Variants in NRXN2 observed in about 807,000 individuals in gnomAD.
The protein encoded by NRXN2 is neurexin-2-beta.
In NRXN2, 29 loss-of-function variants were observed where a neutral mutation model predicts 128.8. That is an observed-to-expected ratio of 0.23 (90% confidence interval 0.17 to 0.31). NRXN2 has a LOEUF of 0.31. Among genes scored for constraint, NRXN2 ranks in the 10% least tolerant of loss-of-function variants. The pLI, the probability that NRXN2 is intolerant of heterozygous loss-of-function variation, is 1.00. For synonymous variants in NRXN2, 1,098 were observed against 1,075.2 expected (o/e 1.02, Z -0.41); for missense variants, 1,881 against 2,452.6 (o/e 0.77, Z 4.92).
At position 64,607,471 on chromosome 11, in the gene NRXN2, G is replaced by T. The variant is rs759656770; in HGVS notation, c.4864C>A (p.Pro1622Thr). 1 of 1,608,142 alleles carries T rather than the reference G, an allele frequency of 6.2e-7. No individual in the cohort carries two copies. Among genetic ancestry groups the T allele is most frequent in the South Asian group, 1.1e-5 (1 of 90,952 alleles). The part of the protein sequence containing the change: ...ANPTGPGERG[P>T]PGAVEVIRES... ...CGGATCACCTCCACTGCGCCCGGCG[G>T]GCCCCGCTCCCCAGGCCCTGTGGGG... is the stretch of plus-strand genomic sequence containing the variant. Residue 1622 changes from proline (P) to threonine (T), a missense_variant, in exon 23 of 23, where the codon CCG (proline) becomes ACG (threonine). This residue lies in a region of NRXN2 where 310 missense variants were observed against 318.2 expected (regional missense o/e 0.97). Coordinates refer to ENST00000265459, the MANE Select transcript of NRXN2 (RefSeq NM_015080.4).
intron 2 of NRXN2, among the ~76,000 whole-genome samples, chr11:64,699,487 A>G (rs1428940197): frequency 8.6e-6 from 1 of 116,732 alleles, no homozygotes; most frequent in Non-Finnish European, 1.6e-5. Flanking sequence ...CTGGAGTGAA[A>G]TGGTGCGATC....
rs909943521 is a variant in NRXN2, at chr11:64,632,498, A to G, written c.3586-1925T>C. On this transcript the variant is annotated intron_variant, in intron 18 of 22. Coordinates refer to ENST00000265459, the MANE Select transcript of NRXN2 (RefSeq NM_015080.4). This position sits in a 1 kb window ranked among gnomAD's most constrained non-coding sequence, Gnocchi z 4.2. ...ATCCTCCTCGGTACTATTGTTAGTA[A>G]TAATACCACCCAGAATAGTATCAGC... Among the ~76,000 whole-genome samples, 1 of 152,194 alleles carries G rather than the reference A, an allele frequency of 6.6e-6. No individual in the cohort carries two copies. Among genetic ancestry groups the G allele is most frequent in the Non-Finnish European group, 1.5e-5 (1 of 68,026 alleles).
chr11:64,706,331 C>T (rs1452121132), intron 2 of NRXN2, among the ~76,000 whole-genome samples: 1 of 145,740 alleles, frequency 6.9e-6, no homozygotes, highest in East Asian at 2.0e-4. Flanking sequence ...ACTCCCCCCA[C>T]CCCACAACAG....
intron 6 of NRXN2, among the ~76,000 whole-genome samples, chr11:64,682,845 G>C (rs1205918856): frequency 2.0e-5 from 3 of 152,146 alleles, no homozygotes; most frequent in African/African-American, 7.2e-5. Flanking sequence ...TGACCTCAAG[G>C]GCTGGATTTG....
chr11:64,717,004 A>G (rs2057323226), intron 1 of NRXN2, among the ~76,000 whole-genome samples: 1 of 151,914 alleles, frequency 6.6e-6, no homozygotes, highest in Non-Finnish European at 1.5e-5. Context: ...CTTCTCCCAG[A>G]ATACAGGGGG....
intron 2 of NRXN2, among the ~76,000 whole-genome samples, chr11:64,711,585 C>T (rs558770923): frequency 1.3e-5 from 2 of 152,192 alleles, no homozygotes; most frequent in African/African-American, 2.4e-5. Context: ...TCTCGGCCTC[C>T]GGGCAGCGCG....
intron 3 of NRXN2, among the ~76,000 whole-genome samples, chr11:64,696,075 A>G (rs576412045): frequency 2.2e-5 from 3 of 136,380 alleles, no homozygotes; most frequent in South Asian, 2.3e-4. Context: ...TCCTTCCTCC[A>G]TCTCTCTGCT....
intron 1 of NRXN2, among the ~76,000 whole-genome samples, chr11:64,718,270 CCTCT>C (rs1055134334): frequency 6.6e-6 from 1 of 152,144 alleles, no homozygotes; most frequent in African/African-American, 2.4e-5. Context: ...CACACAGCCC[CCTCT>C]CTGTCAATGC....
At chr11:64,650,769 G>A (rs1284930197) in intron 14 of NRXN2, 131 bp from the exon 15 acceptor site, 1 of 862,872 alleles carries the variant, frequency 1.2e-6, no homozygotes, top group Non-Finnish European at 1.8e-6. Context: ...GACCCCAGAG[G>A]AGAGCGACCA....
Position 64,607,994 on chromosome 11 carries a change from A to T in NRXN2, c.4341T>A (p.Pro1447=). Residue 1447 remains proline (P), a synonymous_variant, in exon 23 of 23, where the codon CCT becomes CCA. Transcript: ENST00000265459. ...CTCCCGTGAGGAAGGGGTAGAAGGT[A>T]GGGGGCGGGGGCACGAAGGGGGATC... ...ATRSPFVPPP[P]TFYPFLTGVG... The T allele has an allele frequency of 7.7e-6, 5 of 652,244 alleles. No individual in the cohort carries two copies. The highest frequency in any genetic ancestry group is 1.0e-5 in the Non-Finnish European group (5 of 498,130). 40.4% of individuals were successfully genotyped at this position (652,244 alleles called of 1,614,324 possible).
At chr11:64,683,828 C>T (rs757013815) in intron 6 of NRXN2, among the ~76,000 whole-genome samples, 5 of 152,046 alleles carry the variant, frequency 3.3e-5, no homozygotes, top group Admixed American at 1.3e-4. Flanking sequence ...CTCTCGACTC[C>T]GGGAACCCCA....
In NRXN2 at chr11:64,690,480, G is replaced by A. The variant is rs1410142194; in HGVS notation, c.779-4C>T. The A allele has an allele frequency of 2.5e-6, 4 of 1,612,972 alleles. No homozygotes were observed. The highest frequency in any genetic ancestry group is 2.2e-5 in the South Asian group (2 of 90,814). ...TCGGAGAACAGTAAGGACCCTACTG[G>A]AGAAGCAGAATTGGGGAGTCAGGCA... On this transcript the variant is annotated splice_region_variant and splice_polypyrimidine_tract_variant and intron_variant, in intron 4 of 22. Transcript: ENST00000265459.
In NRXN2 at chr11:64,648,461, C is replaced by T. The variant is rs2047020489; in HGVS notation, c.3284-123G>A. 1.3e-6 allele frequency: 2 copies of T among 1,485,032 alleles called. No homozygotes were observed. The highest frequency in any genetic ancestry group is 2.3e-5 in the East Asian group (1 of 43,504). 92.0% of individuals were successfully genotyped at this position (1,485,032 alleles called of 1,614,324 possible). A position where few individuals can be genotyped will look rare whatever the true frequency, so the allele number is the denominator to read the frequency against. On this transcript the variant is annotated intron_variant, in intron 16 of 22. Transcript: ENST00000265459. This position sits in a 1 kb window ranked among gnomAD's most constrained non-coding sequence, Gnocchi z 4.1. ...TCTGAGCTCTGCCTGGCTGAAAGGG[C>T]CAAGTACTGATGACAGGGATTGGGG...
intron 9 of NRXN2, among the ~76,000 whole-genome samples, chr11:64,662,148 C>T (rs999943006): frequency 6.6e-5 from 10 of 151,610 alleles, no homozygotes; most frequent in African/African-American, 2.4e-4. Flanking sequence ...GTCCCAGCTA[C>T]TCGGGAGACT....
intron 5 of NRXN2, among the ~76,000 whole-genome samples, chr11:64,687,507 C>A (rs2053227008): frequency 6.6e-6 from 1 of 152,218 alleles, no homozygotes; most frequent in African/African-American, 2.4e-5. Flanking sequence ...GGCCACAGGG[C>A]AGCAAGGCTG....
intron 1 of NRXN2, among the ~76,000 whole-genome samples, chr11:64,718,472 C>T (rs550038934): frequency 6.6e-6 from 1 of 152,258 alleles, no homozygotes; most frequent in Admixed American, 6.5e-5. Context: ...GAAGGCAGCC[C>T]GTGGACAGGT....
intron 2 of NRXN2, among the ~76,000 whole-genome samples, chr11:64,705,432 G>A (rs142500101): frequency 2.3e-4 from 35 of 152,142 alleles, no homozygotes; most frequent in African/African-American, 8.0e-4. Flanking sequence ...CAATAGCTGC[G>A]AGTCCCCCCT....
rs957625445 is a variant in NRXN2 at position 64,652,282 on chromosome 11, G to C, written c.2417-128C>G. 18 of 1,264,916 alleles carry C rather than the reference G, an allele frequency of 1.4e-5. No homozygotes were observed. The Admixed American group carries it at 3.6e-4, about 25-fold the overall frequency. The allele number at this position is 1,264,916 out of a possible 1,614,324, so 78.4% of individuals were successfully genotyped here. A position where few individuals can be genotyped will look rare whatever the true frequency, so the allele number is the denominator to read the frequency against. On this transcript the variant is annotated intron_variant, in intron 12 of 22. Transcript: ENST00000265459. Reference sequence around the variant, plus strand: ...CCACACATGAACACATACATGACCAGTGGCTCATATTTGGCCACGCAACAC... The same window carrying C: ...CCACACATGAACACATACATGACCACTGGCTCATATTTGGCCACGCAACAC...
At chr11:64,657,887 G>A (rs1387399505) in intron 11 of NRXN2, among the ~76,000 whole-genome samples, 1 of 152,214 alleles carries the variant, frequency 6.6e-6, no homozygotes, top group Non-Finnish European at 1.5e-5. Context: ...GCACAGCCAG[G>A]AGTAAGAAAT....
Sources: gnomAD v4.1 joint callset for allele counts (sites outside exome capture counted in the v4.1 genomes callset) on GRCh38, gnomAD v4.1.1 for gene constraint, gnomAD v4.1.1 regional missense constraint, Gnocchi (gnomAD v3.1) non-coding constraint, MANE v1.5 for transcripts, NCBI Gene and HGNC (gene_info 2026-07-23, HGNC 2026-07-21) for gene names.